Variants in CACNA1C observed in about 807,000 individuals in gnomAD.
CACNA1C encodes calcium voltage-gated channel subunit alpha1 C.
A neutral mutation model predicts 229.0 loss-of-function variants in CACNA1C; 30 were observed. That is an observed-to-expected ratio of 0.13 (90% CI 0.10 to 0.18). The LOEUF is 0.18. Ranked by LOEUF, CACNA1C falls within the 10% of genes least tolerant of loss-of-function variation. The pLI, the probability that CACNA1C is intolerant of heterozygous loss-of-function variation, is 1.00. For synonymous variants in CACNA1C, 1,114 were observed against 1,132.5 expected (o/e 0.98, Z 0.33); for missense variants, 1,658 against 2,845.0 (o/e 0.58, Z 9.49).
intron 3 of CACNA1C, among the ~76,000 whole-genome samples, chr12:2,362,090 G>A (rs1161313281): frequency 6.6e-6 from 1 of 152,220 alleles, no homozygotes; most frequent in African/African-American, 2.4e-5. Flanking sequence ...CACACAGCTG[G>A]TGCTTAAAAA....
rs115819516 is a variant in CACNA1C, at chr12:2,466,971, C to T, written c.757+9265C>T. ...TTTTGCTTCCTCTTGCTTTTTATCC[C>T]CTTTGTCTTATAGGGGTCTTACAGG... On this transcript the variant is annotated intron_variant, in intron 5 of 46. Transcript: ENST00000399655. 5.7e-3 allele frequency among the ~76,000 whole-genome samples: 865 copies of T among 152,244 alleles called. 8 individuals carry two copies. Among genetic ancestry groups the T allele is most frequent in the African/African-American group, 0.019 (789 of 41,542 alleles).
intron 9 of CACNA1C, among the ~76,000 whole-genome samples, chr12:2,544,443 C>T (rs2099877369): frequency 1.3e-5 from 2 of 152,214 alleles, no homozygotes; most frequent in African/African-American, 4.8e-5. Context: ...GCACATGTTT[C>T]CTTCTGTGAG....
intron 8 of CACNA1C, among the ~76,000 whole-genome samples, chr12:2,507,814 G>A (rs866835469): frequency 7.9e-5 from 12 of 152,314 alleles, no homozygotes; most frequent in African/African-American, 2.9e-4. Flanking sequence ...GAGCCCAAGC[G>A]ATGTGAATCC....
intron 3 of CACNA1C, among the ~76,000 whole-genome samples, chr12:2,424,588 TG>T (rs1286637821): frequency 6.6e-6 from 1 of 152,194 alleles, no homozygotes; most frequent in East Asian, 1.9e-4. Flanking sequence ...TTCTTTCACA[TG>T]TGGGTAGGGG....
intron 3 of CACNA1C, among the ~76,000 whole-genome samples, chr12:2,201,242 T>TG (rs2154318825): frequency 6.6e-6 from 1 of 152,244 alleles, no homozygotes; most frequent in African/African-American, 2.4e-5. Context: ...ACAGAGAAGG[T>TG]GGGGGACCTT....
chr12:2,247,393 A>G (rs1299750052), intron 3 of CACNA1C, among the ~76,000 whole-genome samples: 2 of 152,194 alleles, frequency 1.3e-5, no homozygotes, highest in Admixed American at 1.3e-4. Context: ...GTGGGTTTTA[A>G]TTAGCTAAAT....
chr12:2,349,926 C>A (rs1394770891), intron 3 of CACNA1C, among the ~76,000 whole-genome samples: 3 of 152,138 alleles, frequency 2.0e-5, no homozygotes, highest in African/African-American at 4.8e-5. Context: ...AGTCGTTTTC[C>A]ATGGATCAGT....
chr12:2,100,353 G>A (rs903730477), intron 1 of CACNA1C, among the ~76,000 whole-genome samples: 1 of 151,222 alleles, frequency 6.6e-6, no homozygotes, highest in Non-Finnish European at 1.5e-5. Flanking sequence ...GGCTGAGGAA[G>A]GAATTCCTTG....
intron 3 of CACNA1C, among the ~76,000 whole-genome samples, chr12:2,295,621 G>A (rs2093966367): frequency 1.3e-5 from 2 of 152,224 alleles, no homozygotes; most frequent in South Asian, 2.1e-4. Context: ...AGTATTAAGA[G>A]TGATAATGGT....
At chr12:1,976,059 T>C (rs1248690807) in intron 1 of CACNA1C, among the ~76,000 whole-genome samples, 2 of 152,192 alleles carry the variant, frequency 1.3e-5, no homozygotes, top group African/African-American at 4.8e-5. Context: ...AGTGAAATTC[T>C]GCTTTACTTG....
At chr12:2,022,385 T>TA (rs1402742948) in intron 1 of CACNA1C, among the ~76,000 whole-genome samples, 3 of 152,166 alleles carry the variant, frequency 2.0e-5, no homozygotes, top group African/African-American at 7.2e-5. Flanking sequence ...ATTAGAAGTG[T>TA]TTTGGTCTTT....
At chr12:2,003,870 G>A (rs2042742583) in intron 1 of CACNA1C, among the ~76,000 whole-genome samples, 3 of 152,064 alleles carry the variant, frequency 2.0e-5, no homozygotes. Flanking sequence ...TCCAAAATCA[G>A]AACTCTGCAC....
intron 11 of CACNA1C, among the ~76,000 whole-genome samples, chr12:2,564,043 A>G (rs181204132): frequency 2.0e-3 from 306 of 152,316 alleles, no homozygotes; most frequent in Admixed American, 3.3e-3. Context: ...AAACGGACTC[A>G]TGCCATGGAC....
intron 3 of CACNA1C, among the ~76,000 whole-genome samples, chr12:2,304,797 A>G (rs959136328): frequency 6.6e-6 from 1 of 152,046 alleles, no homozygotes; most frequent in African/African-American, 2.4e-5. Context: ...CAAATGCAAG[A>G]GCTAAGGTGA....
At chr12:2,524,374 G>A (rs1380415415) in intron 9 of CACNA1C, among the ~76,000 whole-genome samples, 1 of 152,198 alleles carries the variant, frequency 6.6e-6, no homozygotes, top group Non-Finnish European at 1.5e-5. Flanking sequence ...AGGTGACAGT[G>A]ATGAATTGCA....
At position 2,634,292 on chromosome 12, in the gene CACNA1C, T is replaced by A; in HGVS notation, c.3829-5T>A. On this transcript the variant is annotated splice_region_variant and splice_polypyrimidine_tract_variant and intron_variant, in intron 29 of 46. Transcript: ENST00000399655. ...CTCTCTCCCCGGCTGCTCTGCCCCA[T>A]GCAGCACTATTTCTGTGATGCATGG... The A allele has an allele frequency of 6.7e-7, 1 of 1,503,334 alleles. No homozygotes were observed. The highest frequency in any genetic ancestry group is 9.0e-7 in the Non-Finnish European group (1 of 1,111,124). The allele number at this position is 1,503,334 out of a possible 1,614,324, so 93.1% of individuals were successfully genotyped here.
intron 1 of CACNA1C, among the ~76,000 whole-genome samples, chr12:1,972,791 A>G (rs1284901824): frequency 6.6e-6 from 1 of 152,124 alleles, no homozygotes; most frequent in African/African-American, 2.4e-5. Flanking sequence ...AAAGGAAAAA[A>G]AGAAGGATGG....
At chr12:2,139,384 T>C (rs1349800743) in intron 3 of CACNA1C, among the ~76,000 whole-genome samples, 1 of 151,204 alleles carries the variant, frequency 6.6e-6, no homozygotes, top group Non-Finnish European at 1.5e-5. Flanking sequence ...CATGATTCCA[T>C]CTGCAAAGAC....
chr12:2,432,802 C>G (rs898465521), intron 3 of CACNA1C, among the ~76,000 whole-genome samples: 1 of 152,102 alleles, frequency 6.6e-6, no homozygotes, highest in Admixed American at 6.5e-5. Flanking sequence ...CAACTAAAGC[C>G]CTGGACCAGA....
Sources: allele counts gnomAD v4.1 joint callset (sites outside exome capture counted in the v4.1 genomes callset), GRCh38; gene constraint gnomAD v4.1.1; transcripts MANE v1.5; gene names NCBI Gene and HGNC (gene_info 2026-07-23, HGNC 2026-07-21).